PPP1R9A: variants seen among roughly 807,000 people sequenced by gnomAD.
The protein encoded by PPP1R9A is protein phosphatase 1 regulatory subunit 9A.
A neutral mutation model predicts 141.9 loss-of-function variants in PPP1R9A; 59 were observed. That is an observed-to-expected ratio of 0.42 (90% CI 0.34 to 0.52). The LOEUF (loss-of-function observed/expected upper bound fraction) is 0.52, where lower values mean the gene tolerates loss of function less well. PPP1R9A is among the 20% of genes least tolerant of loss of function. The pLI is 0.10. For synonymous variants in PPP1R9A, 500 were observed against 569.7 expected, an observed-to-expected ratio of 0.88 and a Z score of 1.74; for missense variants, 1,444 against 1,611.9, an observed-to-expected ratio of 0.90 and a Z score of 1.78.
At chr7:95,165,152 ACTGATCCTCTT>A (rs1445702018) in intron 5 of PPP1R9A, among the ~76,000 whole-genome samples, 14 of 152,282 alleles carry the variant, frequency 9.2e-5, no homozygotes, top group Admixed American at 9.2e-4. Flanking sequence ...GCATTCATTT[ACTGATCCTCTT>A]CTGATCCTCT....
At chr7:95,185,077 A>G (rs1306442166) in intron 5 of PPP1R9A, among the ~76,000 whole-genome samples, 1 of 150,976 alleles carries the variant, frequency 6.6e-6, no homozygotes, top group Admixed American at 6.6e-5. Context: ...GTTTTAGGGT[A>G]CATGTGCACA....
chr7:95,060,247 G>A (rs781049604), intron 2 of PPP1R9A, among the ~76,000 whole-genome samples: 5 of 152,150 alleles, frequency 3.3e-5, no homozygotes, highest in Non-Finnish European at 7.3e-5. Flanking sequence ...AGTTTTGAGA[G>A]GCTGACAAGT....
chr7:94,959,644 T>A (rs1797403107), intron 2 of PPP1R9A, among the ~76,000 whole-genome samples: 1 of 151,704 alleles, frequency 6.6e-6, no homozygotes, highest in Admixed American at 6.6e-5. Flanking sequence ...ATGTCAATAC[T>A]ATGTTTAGTG....
At chr7:94,999,483 G>A (rs1211699483) in intron 2 of PPP1R9A, among the ~76,000 whole-genome samples, 1 of 152,164 alleles carries the variant, frequency 6.6e-6, no homozygotes, top group Non-Finnish European at 1.5e-5. Context: ...TTATGTTGCT[G>A]CTATTCTATT....
At position 95,257,623 on chromosome 7, in the gene PPP1R9A, G is replaced by A. The variant is rs138502334; in HGVS notation, c.2665+5493G>A. ...GTTGGTGTGCTGCACCCATTAACTC[G>A]TCATTTAACATTAGGTATATCTCCT... On this transcript the variant is annotated intron_variant, in intron 12 of 19. Coordinates refer to ENST00000433360, the MANE Select transcript of PPP1R9A (RefSeq NM_001166160.2). Among the ~76,000 whole-genome samples the A allele has an allele frequency of 6.5e-3, 980 of 151,658 alleles. 58 individuals are homozygous for A. The East Asian group carries it at 0.14, about 22-fold the overall frequency.
At chr7:95,065,109 A>G (rs1191549918) in intron 2 of PPP1R9A, among the ~76,000 whole-genome samples, 1 of 152,130 alleles carries the variant, frequency 6.6e-6, no homozygotes, top group Non-Finnish European at 1.5e-5. Flanking sequence ...TCTGTCACTG[A>G]GGCTAGAGTG....
chr7:95,037,950 T>TAA (rs11438513), intron 2 of PPP1R9A, among the ~76,000 whole-genome samples: 10,418 of 139,992 alleles, frequency 0.074, 470 homozygotes, highest in African/African-American at 0.13. Context: ...CAAAATAATT[T>TAA]AAAAAAAAAA....
chr7:95,007,482 G>A (rs547897516), intron 2 of PPP1R9A, among the ~76,000 whole-genome samples: 101 of 152,056 alleles, frequency 6.6e-4, no homozygotes, highest in Admixed American at 1.7e-3. Context: ...AAGGTCTTTT[G>A]TGTTTGTATT....
chr7:95,124,991 G>A (rs1823311254), intron 4 of PPP1R9A, among the ~76,000 whole-genome samples: 2 of 152,046 alleles, frequency 1.3e-5, no homozygotes. Context: ...TAGTTAAAAA[G>A]TTTTGACCCT....
chr7:95,177,230 A>G (rs1426725832), intron 5 of PPP1R9A, among the ~76,000 whole-genome samples: 2 of 152,166 alleles, frequency 1.3e-5, no homozygotes, highest in Non-Finnish European at 1.5e-5. Context: ...CCTCAAACAA[A>G]ACAATGATCA....
chr7:94,994,264 G>T (rs538494220), intron 2 of PPP1R9A, among the ~76,000 whole-genome samples: 1 of 152,166 alleles, frequency 6.6e-6, no homozygotes, highest in South Asian at 2.1e-4. Context: ...ATTCCTTCCC[G>T]CTGGGTATAG....
chr7:94,954,064 T>C (rs952354254), intron 2 of PPP1R9A, among the ~76,000 whole-genome samples: 1 of 152,152 alleles, frequency 6.6e-6, no homozygotes, highest in African/African-American at 2.4e-5. Context: ...GCTTCCAGTT[T>C]TGGGCCATTC....
intron 2 of PPP1R9A, among the ~76,000 whole-genome samples, chr7:94,926,026 C>T (rs1370816136): frequency 6.6e-6 from 1 of 151,986 alleles, no homozygotes; most frequent in Admixed American, 6.6e-5. Flanking sequence ...CAGAGTCTCA[C>T]TGTGTTTCTC....
chr7:95,051,209 C>A (rs1274070048), intron 2 of PPP1R9A, among the ~76,000 whole-genome samples: 1 of 150,092 alleles, frequency 6.7e-6, no homozygotes, highest in Non-Finnish European at 1.5e-5. Context: ...ATAGGGATGT[C>A]CAGTTATTCC....
chr7:95,274,536 A>G (rs538660468), intron 16 of PPP1R9A, among the ~76,000 whole-genome samples: 1 of 152,356 alleles, frequency 6.6e-6, no homozygotes, highest in African/African-American at 2.4e-5. Context: ...TATTAAGTCT[A>G]AAAGGATAAT....
intron 5 of PPP1R9A, among the ~76,000 whole-genome samples, chr7:95,166,864 A>G (rs1385845806): frequency 6.6e-6 from 1 of 152,224 alleles, no homozygotes; most frequent in Non-Finnish European, 1.5e-5. Context: ...CAACATATGC[A>G]AATCAATAAA....
intron 2 of PPP1R9A, among the ~76,000 whole-genome samples, chr7:94,983,185 C>G (rs1800345800): frequency 6.6e-6 from 1 of 152,090 alleles, no homozygotes; most frequent in South Asian, 2.1e-4. Flanking sequence ...TTCTATTGGT[C>G]TATATCTCTG....
intron 2 of PPP1R9A, among the ~76,000 whole-genome samples, chr7:95,065,997 T>C (rs765896950): frequency 1.9e-4 from 29 of 152,176 alleles, no homozygotes; most frequent in Non-Finnish European, 3.1e-4. Context: ...CAATCAACTT[T>C]ATAGAAATGT....
chr7:95,204,159 A>G (rs1397132809), intron 7 of PPP1R9A, among the ~76,000 whole-genome samples: 2 of 152,220 alleles, frequency 1.3e-5, no homozygotes, highest in Non-Finnish European at 2.9e-5. Context: ...AAAACACTAA[A>G]TATATCTTTA....
Sources: allele counts gnomAD v4.1 joint callset (sites outside exome capture counted in the v4.1 genomes callset), GRCh38; gene constraint gnomAD v4.1.1; transcripts MANE v1.5; gene names NCBI Gene and HGNC (gene_info 2026-07-23, HGNC 2026-07-21).